PHF24: variants seen among roughly 807,000 people sequenced by gnomAD.
The protein encoded by PHF24 is PHD finger protein 24.
A neutral mutation model predicts 42.6 loss-of-function variants in PHF24; 25 were observed. That is an observed-to-expected ratio of 0.59 (90% CI 0.43 to 0.82). The LOEUF (loss-of-function observed/expected upper bound fraction) is 0.82, where lower values mean the gene tolerates loss of function less well. PHF24 is among the 40% of genes least tolerant of loss of function. The pLI is 0.00. For synonymous variants in PHF24, 185 were observed against 204.8 expected (o/e 0.90, Z 0.83); for missense variants, 470 against 538.1 (o/e 0.87, Z 1.25).
chr9:34,781,223 C>G, the PHF24 span, among the ~76,000 whole-genome samples: 1 of 152,020 alleles, frequency 6.6e-6, no homozygotes. Flanking sequence ...TAGAAACACC[C>G]CAAGGTCCAT....
chr9:34,904,130 G>C, the PHF24 span, among the ~76,000 whole-genome samples: 1 of 152,166 alleles, frequency 6.6e-6, no homozygotes, highest in Non-Finnish European at 1.5e-5. Flanking sequence ...TCAGCAAACA[G>C]TGAAGGGTTT....
At chr9:34,887,407 A>G in the PHF24 span, among the ~76,000 whole-genome samples, 3 of 152,156 alleles carry the variant, frequency 2.0e-5, no homozygotes, top group African/African-American at 7.2e-5. Context: ...CTGGCTTTCT[A>G]CCAGGCCTTA....
chr9:34,715,405 C>T, the PHF24 span, among the ~76,000 whole-genome samples: 1 of 152,126 alleles, frequency 6.6e-6, no homozygotes, highest in African/African-American at 2.4e-5. Context: ...CCCACAGCCC[C>T]ACTTGAACTG....
chr9:34,833,568 T>A, the PHF24 span: 149 of 1,551,434 alleles, frequency 9.6e-5, 1 homozygote, highest in African/African-American at 1.8e-3. Context: ...TCCCTGGACT[T>A]CCTTGCCCTA....
the PHF24 span, among the ~76,000 whole-genome samples, chr9:34,940,419 G>A: frequency 6.6e-6 from 1 of 150,832 alleles, no homozygotes; most frequent in Admixed American, 6.6e-5. Flanking sequence ...AAAAAAACCT[G>A]TCTTGACTGG....
At chr9:34,841,771 T>C in the PHF24 span, among the ~76,000 whole-genome samples, 1 of 152,064 alleles carries the variant, frequency 6.6e-6, no homozygotes, top group Admixed American at 6.5e-5. Flanking sequence ...GGCAGGAAAA[T>C]CGCTTGAACC....
chr9:34,678,395 G>A, the PHF24 span: 198 of 141,880 alleles, frequency 1.4e-3, no homozygotes, highest in African/African-American at 4.9e-3. Context: ...GCGCAATGGC[G>A]CAGTATCGCT....
Position 34,958,474 on chromosome 9 carries a change from CG to C in PHF24, c.-5+76del, listed in dbSNP as rs1322714137. 6.6e-6 allele frequency: 1 copy of C among 152,092 alleles called. No individual in the cohort carries two copies. Among genetic ancestry groups the C allele is most frequent in the Non-Finnish European group, 1.5e-5 (1 of 68,014 alleles). The allele number at this position is 152,092 out of a possible 1,614,324, so 9.4% of individuals were successfully genotyped here. On this transcript the variant is annotated intron_variant, in intron 1 of 7. Coordinates refer to ENST00000242315, the Ensembl canonical transcript of PHF24. This position sits in a 1 kb window ranked among gnomAD's most constrained non-coding sequence, Gnocchi z 4.5. ...GGGTCTGCGGCCGCGGACAGTCCTC[CG>C]GGACTCTGAGGTGCTTGTGTGGGAG...
At chr9:34,728,712 C>CA in the PHF24 span, 5 of 1,430,254 alleles carry the variant, frequency 3.5e-6, no homozygotes, top group Non-Finnish European at 4.8e-6. Flanking sequence ...TTCTCATGTC[C>CA]AAAATGAGAC....
chr9:34,726,683 G>A, the PHF24 span: 1 of 1,551,634 alleles, frequency 6.4e-7, no homozygotes, highest in Non-Finnish European at 8.7e-7. Flanking sequence ...CGTTGACTGG[G>A]CAGCTGACTG....
At chr9:34,846,295 C>G in the PHF24 span, among the ~76,000 whole-genome samples, 1 of 152,228 alleles carries the variant, frequency 6.6e-6, no homozygotes, top group South Asian at 2.1e-4. Flanking sequence ...GCCATTCTAA[C>G]TGGTGTGAGA....
At chr9:34,955,924 G>A (rs1419457089), upstream of PHF24, among the ~76,000 whole-genome samples, 2 of 152,098 alleles carry the variant, frequency 1.3e-5, no homozygotes, top group Admixed American at 6.5e-5. Flanking sequence ...TCCTCAACAT[G>A]AGAAAAACTG....
the PHF24 span, among the ~76,000 whole-genome samples, chr9:34,921,908 T>G: frequency 1.3e-5 from 2 of 152,222 alleles, no homozygotes; most frequent in Non-Finnish European, 2.9e-5. Flanking sequence ...AAAGCCACAA[T>G]GTACCAAAAG....
chr9:34,804,991 T>C, the PHF24 span, among the ~76,000 whole-genome samples: 1 of 152,220 alleles, frequency 6.6e-6, no homozygotes, highest in Non-Finnish European at 1.5e-5. Flanking sequence ...TTGGTTTCTT[T>C]CACTTAGCAT....
the PHF24 span, among the ~76,000 whole-genome samples, chr9:34,936,121 C>G: frequency 1.8e-4 from 28 of 151,904 alleles, no homozygotes; most frequent in Admixed American, 5.9e-4. Context: ...GATGCCGAGC[C>G]GAAGCTGGAC....
the PHF24 span, among the ~76,000 whole-genome samples, chr9:34,876,702 G>A: frequency 1.6e-4 from 25 of 152,278 alleles, no homozygotes; most frequent in African/African-American, 5.5e-4. Context: ...TCTGTAGGAT[G>A]AAAAGAAATT....
intron 1 of PHF24, among the ~76,000 whole-genome samples, chr9:34,963,745 A>G (rs901357038): frequency 6.6e-6 from 1 of 152,152 alleles, no homozygotes; most frequent in African/African-American, 2.4e-5. Flanking sequence ...GTCAGAGAGA[A>G]ATCATCCTCG....
Position 34,958,886 on chromosome 9 carries a change from C to T in PHF24, c.-5+485C>T, listed in dbSNP as rs555363336. 4.6e-5 allele frequency among the ~76,000 whole-genome samples: 7 copies of T among 152,304 alleles called. No homozygotes were observed. In the South Asian group the frequency reaches 1.2e-3, roughly 27 times the overall value. On this transcript the variant is annotated intron_variant, in intron 1 of 7. Coordinates refer to ENST00000242315, the Ensembl canonical transcript of PHF24. The surrounding 1 kb of genome is among the most constrained non-coding windows in gnomAD (Gnocchi z 4.5). ...CAACCTCTGACTGGGGAGGGGGATC[C>T]TCCCATGGGATCCATGAGTGACTTC...
chr9:34,788,289 C>T, the PHF24 span, among the ~76,000 whole-genome samples: 15 of 152,172 alleles, frequency 9.9e-5, no homozygotes, highest in East Asian at 1.9e-4. Flanking sequence ...GTGATCCTTC[C>T]ATCTCAGCCT....
Sources: allele counts gnomAD v4.1 joint callset (sites outside exome capture counted in the v4.1 genomes callset), GRCh38; gene constraint gnomAD v4.1.1; non-coding constraint Gnocchi (gnomAD v3.1); transcripts MANE v1.5; gene names NCBI Gene and HGNC (gene_info 2026-07-23, HGNC 2026-07-21).